Variants in OPCML observed in about 807,000 individuals in gnomAD.
OPCML encodes the protein opioid-binding protein/cell adhesion molecule.
Under a neutral mutation model 37.8 loss-of-function variants are expected in OPCML, and 13 were observed. That is an observed-to-expected ratio of 0.34 (90% CI 0.22 to 0.55). OPCML has a LOEUF of 0.55. Among genes scored for constraint, OPCML ranks in the 20% least tolerant of loss-of-function variants. The pLI is 0.91. For synonymous variants in OPCML, 176 were observed against 168.8 expected (o/e 1.04, Z -0.33); for missense variants, 341 against 435.6 (o/e 0.78, Z 1.93).
At chr11:133,286,297 AATAAATAAATAAAT>A in intron 1 of OPCML, among the ~76,000 whole-genome samples, 1 of 151,964 alleles carries the variant, frequency 6.6e-6, no homozygotes, top group East Asian at 1.9e-4. Context: ...AAAAATACAA[AATAAATAAATAAAT>A]AAAAATAAAT....
intron 2 of OPCML, among the ~76,000 whole-genome samples, chr11:132,725,662 C>A (rs919795118): frequency 6.6e-6 from 1 of 151,892 alleles, no homozygotes; most frequent in Admixed American, 6.6e-5. Flanking sequence ...AAACTGAATG[C>A]CTTTAACAGC....
At chr11:132,608,622 G>A (rs1285806858) in intron 3 of OPCML, among the ~76,000 whole-genome samples, 2 of 152,110 alleles carry the variant, frequency 1.3e-5, no homozygotes, top group Non-Finnish European at 2.9e-5. Flanking sequence ...AAATGATTAT[G>A]TCGCTCTTTG....
intron 1 of OPCML, among the ~76,000 whole-genome samples, chr11:133,363,410 C>T (rs1944466779): frequency 6.6e-6 from 1 of 152,182 alleles, no homozygotes; most frequent in Admixed American, 6.5e-5. Context: ...CCAAGCCTAC[C>T]TTGTTTAGGA....
intron 3 of OPCML, among the ~76,000 whole-genome samples, chr11:132,628,275 A>G (rs1239152749): frequency 6.6e-6 from 1 of 152,158 alleles, no homozygotes; most frequent in Non-Finnish European, 1.5e-5. Context: ...AGTGAATTGA[A>G]GAAGGTTTGG....
intron 2 of OPCML, among the ~76,000 whole-genome samples, chr11:132,886,823 C>T (rs1308862963): frequency 1.3e-5 from 2 of 152,156 alleles, no homozygotes; most frequent in Admixed American, 1.3e-4. Context: ...AGCCAGTGCC[C>T]CTGCCTCTGT....
chr11:132,882,037 TCTC>T (rs1476832488), intron 2 of OPCML, among the ~76,000 whole-genome samples: 23 of 152,292 alleles, frequency 1.5e-4, no homozygotes, highest in African/African-American at 5.5e-4. Flanking sequence ...ACTTTTTCCT[TCTC>T]CTTCTGGCTT....
chr11:132,530,313 A>AC (rs35131297), intron 3 of OPCML, among the ~76,000 whole-genome samples: 60,507 of 151,784 alleles, frequency 0.4, 14,607 homozygotes, highest in Non-Finnish European at 0.55. Flanking sequence ...TTCAACTTAA[A>AC]GGTCAGTATT....
chr11:133,498,569 G>A (rs978697980), intron 1 of OPCML, among the ~76,000 whole-genome samples: 3 of 152,122 alleles, frequency 2.0e-5, no homozygotes, highest in Admixed American at 6.5e-5. Context: ...AAAATATAGT[G>A]GGTCCTTCTC....
At chr11:133,122,080 T>C (rs1949431569) in intron 1 of OPCML, among the ~76,000 whole-genome samples, 1 of 152,190 alleles carries the variant, frequency 6.6e-6, no homozygotes, top group Admixed American at 6.5e-5. Context: ...CCATATAACA[T>C]TTGAGAAAGC....
At chr11:132,968,331 T>A (rs1254841613) in intron 1 of OPCML, among the ~76,000 whole-genome samples, 2 of 152,214 alleles carry the variant, frequency 1.3e-5, no homozygotes, top group Non-Finnish European at 2.9e-5. Flanking sequence ...GGCTGGAAAG[T>A]CCAAGGTTAA....
intron 2 of OPCML, among the ~76,000 whole-genome samples, chr11:132,788,999 T>C (rs1345149963): frequency 1.3e-5 from 2 of 152,162 alleles, no homozygotes; most frequent in African/African-American, 4.8e-5. Context: ...AGACTTTCTT[T>C]CCTTTGTATG....
chr11:132,419,770 C>A lies in OPCML; in HGVS notation c.*423G>T. ...CAGATAATAGGACACTTGGATGTAG[C>A]TCTTGCTGTGCACTATGTTATAAGT... On this transcript the variant is annotated 3_prime_UTR_variant, in exon 8 of 8. Transcript: ENST00000524381. 1 of 165,050 alleles carries A rather than the reference C, an allele frequency of 6.1e-6. No individual in the cohort carries two copies. Among genetic ancestry groups the A allele is most frequent in the Non-Finnish European group, 1.3e-5 (1 of 76,954 alleles). The allele number at this position is 165,050 out of a possible 1,614,324, so 10.2% of individuals were successfully genotyped here. A position where few individuals can be genotyped will look rare whatever the true frequency, so the allele number is the denominator to read the frequency against.
At chr11:133,210,275 G>T (rs1404979237) in intron 1 of OPCML, among the ~76,000 whole-genome samples, 1 of 152,088 alleles carries the variant, frequency 6.6e-6, no homozygotes, top group African/African-American at 2.4e-5. Context: ...AGAGAATTAG[G>T]TGTTAACAGC....
chr11:133,157,950 G>A (rs1388394712), intron 1 of OPCML, among the ~76,000 whole-genome samples: 1 of 152,156 alleles, frequency 6.6e-6, no homozygotes, highest in Non-Finnish European at 1.5e-5. Flanking sequence ...TGCATCTCTG[G>A]GATCTGTATT....
chr11:133,307,616 T>C (rs1040173168), intron 1 of OPCML, among the ~76,000 whole-genome samples: 1 of 152,152 alleles, frequency 6.6e-6, no homozygotes, highest in African/African-American at 2.4e-5. Flanking sequence ...CCCTCCATAT[T>C]AGACCCAACC....
At chr11:133,438,267 T>TA (rs1946287229) in intron 1 of OPCML, among the ~76,000 whole-genome samples, 1 of 152,248 alleles carries the variant, frequency 6.6e-6, no homozygotes, top group Non-Finnish European at 1.5e-5. Flanking sequence ...TTAAAATTGT[T>TA]AAAAATATAA....
intron 2 of OPCML, among the ~76,000 whole-genome samples, chr11:132,893,867 C>T (rs763970302): frequency 3.9e-5 from 6 of 152,180 alleles, no homozygotes; most frequent in Non-Finnish European, 8.8e-5. Flanking sequence ...GAGTTATAGG[C>T]TGTCTTTACA....
chr11:133,167,119 TC>T (rs1372800162), intron 1 of OPCML, among the ~76,000 whole-genome samples: 1 of 152,126 alleles, frequency 6.6e-6, no homozygotes, highest in Non-Finnish European at 1.5e-5. Context: ...CACGGTGTCT[TC>T]TGTAAAAATG....
chr11:132,846,691 T>C (rs1290207532), intron 2 of OPCML, among the ~76,000 whole-genome samples: 1 of 152,198 alleles, frequency 6.6e-6, no homozygotes, highest in East Asian at 1.9e-4. Context: ...CAATAAATGA[T>C]TGTTGAGAAT....
Sources: allele counts gnomAD v4.1 joint callset (sites outside exome capture counted in the v4.1 genomes callset), GRCh38; gene constraint gnomAD v4.1.1; transcripts MANE v1.5; gene names NCBI Gene and HGNC (gene_info 2026-07-23, HGNC 2026-07-21).